The following DCC variants were observed in gnomAD, a reference collection of about 807,000 sequenced individuals.
The protein encoded by DCC is DCC netrin 1 receptor.
A neutral mutation model predicts 172.5 loss-of-function variants in DCC; 58 were observed. That is an observed-to-expected ratio of 0.34 (90% CI 0.27 to 0.42). DCC has a LOEUF of 0.42. Among genes scored for constraint, DCC ranks in the 10% least tolerant of loss-of-function variants. DCC has a pLI of 1.00. For missense variants in DCC, 1,740 were observed against 1,791.0 expected (o/e 0.97, Z 0.51); for synonymous variants, 709 against 644.5 (o/e 1.10, Z -1.52).
chr18:53,021,198 C>T (rs1190606517), intron 5 of DCC, among the ~76,000 whole-genome samples: 6 of 152,110 alleles, frequency 3.9e-5, no homozygotes, highest in East Asian at 1.9e-4. Context: ...TCTGAAGGGG[C>T]GAAGAGAGAA....
intron 1 of DCC, among the ~76,000 whole-genome samples, chr18:52,380,242 A>G (rs1408046095): frequency 6.6e-6 from 1 of 151,696 alleles, no homozygotes; most frequent in African/African-American, 2.4e-5. Flanking sequence ...CATATATTTT[A>G]GAGGAGCGAC....
chr18:52,667,618 A>C (rs968362005), intron 1 of DCC, among the ~76,000 whole-genome samples: 1 of 152,136 alleles, frequency 6.6e-6, no homozygotes, highest in African/African-American at 2.4e-5. Context: ...ACGATCTACT[A>C]ATTTATGCAC....
chr18:53,226,399 G>A (rs2056028049), intron 12 of DCC, among the ~76,000 whole-genome samples: 1 of 152,022 alleles, frequency 6.6e-6, no homozygotes, highest in South Asian at 2.1e-4. Context: ...TGACTTTTCG[G>A]TTTTTTTCCT....
rs1262483554 is a variant in DCC at position 53,428,889 on chromosome 18, A to G, written c.3164-6255A>G. 8.8e-5 allele frequency among the ~76,000 whole-genome samples: 5 copies of G among 56,794 alleles called. No individual in the cohort carries two copies. The South Asian group carries it at 2.6e-3, about 30-fold the overall frequency. The allele number at this position is 56,794 out of a possible 152,430, so 37.3% of individuals were successfully genotyped here. A position where few individuals can be genotyped will look rare whatever the true frequency, so the allele number is the denominator to read the frequency against. On this transcript the variant is annotated intron_variant, in intron 21 of 28. Transcript: ENST00000442544. ...ATATTTTATATATAATAAATTATAT[A>G]TTATATATTTTATATATAATAAATT...
chr18:52,741,103 CT>C (rs2036815934), intron 1 of DCC, among the ~76,000 whole-genome samples: 1 of 152,184 alleles, frequency 6.6e-6, no homozygotes, highest in South Asian at 2.1e-4. Context: ...AAAGTGCCTT[CT>C]TTTTTCATAT....
At chr18:52,997,685 C>T (rs1040848115) in intron 5 of DCC, among the ~76,000 whole-genome samples, 3 of 152,034 alleles carry the variant, frequency 2.0e-5, no homozygotes, top group Non-Finnish European at 2.9e-5. Flanking sequence ...AAAAACAAAA[C>T]GTGAACATAG....
Position 52,497,276 on chromosome 18 carries a change from A to T in DCC, c.91+156398A>T, listed in dbSNP as rs1353184465. Among the ~76,000 whole-genome samples, 90 of 72,990 alleles carry T rather than the reference A, an allele frequency of 1.2e-3. 10 individuals carry two copies. The highest frequency in any genetic ancestry group is 3.0e-3 in the African/African-American group (54 of 17,750). 47.9% of individuals were successfully genotyped at this position (72,990 alleles called of 152,430 possible). On this transcript the variant is annotated intron_variant, in intron 1 of 28. Transcript: ENST00000442544. The stretch of plus-strand genomic sequence containing the variant: ...ACCCTGTATCAAAAAAAAAAAAAAA[A>T]AAAAATATATATATATATATATATA...
chr18:53,024,869 G>A lies in DCC; in HGVS notation c.986-38436G>A, dbSNP rs141499247. On this transcript the variant is annotated intron_variant, in intron 5 of 28. Coordinates refer to ENST00000442544, the MANE Select transcript of DCC (RefSeq NM_005215.4). ...AGCACTAACAATTTGCTGTAGCTTA[G>A]CATGTTAAAAATAAAACACTCTACC... Among the ~76,000 whole-genome samples, 667 of 152,138 alleles carry A rather than the reference G, an allele frequency of 4.4e-3. 12 individuals carry two copies. The highest frequency in any genetic ancestry group is 3.2e-3 in the Non-Finnish European group (215 of 67,988).
chr18:52,726,657 T>C (rs1315252167), intron 1 of DCC, among the ~76,000 whole-genome samples: 1 of 152,204 alleles, frequency 6.6e-6, no homozygotes, highest in African/African-American at 2.4e-5. Flanking sequence ...CCAAATGTAA[T>C]ACTTTGATCA....
intron 3 of DCC, 143 bp downstream of exon 3, chr18:52,906,471 C>A (rs1324147261): frequency 4.4e-6 from 4 of 912,066 alleles, no homozygotes; most frequent in Non-Finnish European, 1.7e-6. Context: ...TTCTTCCTTG[C>A]CGAAGCATTC....
chr18:52,793,711 C>A (rs1178185629), intron 2 of DCC, among the ~76,000 whole-genome samples: 1 of 152,090 alleles, frequency 6.6e-6, no homozygotes, highest in Non-Finnish European at 1.5e-5. Flanking sequence ...AAAATCTTTG[C>A]CTAGACCAAT....
At chr18:52,497,344 C>A (rs201187553) in intron 1 of DCC, among the ~76,000 whole-genome samples, 1 of 34,232 alleles carries the variant, frequency 2.9e-5, no homozygotes, top group African/African-American at 1.3e-4. Context: ...CACACGTATG[C>A]ATATATATAT....
chr18:52,917,418 C>T (rs2040058968), intron 3 of DCC, among the ~76,000 whole-genome samples: 1 of 152,070 alleles, frequency 6.6e-6, no homozygotes, highest in Non-Finnish European at 1.5e-5. Context: ...TAATCAAAAG[C>T]TAAAGAGCTT....
chr18:52,794,598 C>A lies in DCC; in HGVS notation c.412+42224C>A, dbSNP rs76290169. ...TTGTCTGCAAAGAGGGATGATTGTT[C>A]TTTCTTTTTCCAATTTGGATGCCTT... On this transcript the variant is annotated intron_variant, in intron 2 of 28. Transcript: ENST00000442544. Among the ~76,000 whole-genome samples the A allele has an allele frequency of 4.7e-4, 71 of 152,030 alleles. 2 individuals carry two copies. The East Asian group carries it at 0.011, about 24-fold the overall frequency.
intron 1 of DCC, among the ~76,000 whole-genome samples, chr18:52,713,564 C>G (rs1373813887): frequency 6.6e-6 from 1 of 152,176 alleles, no homozygotes. Flanking sequence ...GGGCAGCCCC[C>G]ATGCACTTGG....
chr18:53,455,442 A>G (rs1291531757), intron 23 of DCC, among the ~76,000 whole-genome samples: 3 of 152,200 alleles, frequency 2.0e-5, no homozygotes, highest in Non-Finnish European at 4.4e-5. Flanking sequence ...CATCCCCAGC[A>G]TACTAATTAA....
At chr18:52,795,276 G>A (rs62083273) in intron 2 of DCC, among the ~76,000 whole-genome samples, 3,838 of 151,950 alleles carry the variant, frequency 0.025, 69 homozygotes, top group Middle Eastern at 0.078. Context: ...TTATTGGGAC[G>A]CACCTGATTT....
intron 19 of DCC, among the ~76,000 whole-genome samples, chr18:53,404,789 A>C (rs985728231): frequency 1.3e-5 from 2 of 152,126 alleles, no homozygotes; most frequent in Admixed American, 1.3e-4. Flanking sequence ...TAATCTAAGC[A>C]ATAAAATTGT....
intron 2 of DCC, among the ~76,000 whole-genome samples, chr18:52,776,928 C>T (rs776494288): frequency 3.9e-5 from 6 of 152,116 alleles, no homozygotes; most frequent in Non-Finnish European, 7.4e-5. Flanking sequence ...ATTTTTGTAA[C>T]CACGTATCCA....
Sources: allele counts gnomAD v4.1 joint callset (sites outside exome capture counted in the v4.1 genomes callset), GRCh38; gene constraint gnomAD v4.1.1; transcripts MANE v1.5; gene names NCBI Gene and HGNC (gene_info 2026-07-23, HGNC 2026-07-21).